The following SMPD3 variants were observed in gnomAD, a reference collection of about 807,000 sequenced individuals.
The protein encoded by SMPD3 is nSMase-2.
In SMPD3, 21 loss-of-function variants were observed where a neutral mutation model predicts 55.7. The ratio of observed to expected loss-of-function variants is 0.38; its 90% CI spans 0.27 to 0.54. The LOEUF is 0.54. Among genes scored for constraint, SMPD3 ranks in the 20% least tolerant of loss-of-function variants. The pLI, the probability that SMPD3 is intolerant of heterozygous loss-of-function variation, is 0.80. For synonymous variants in SMPD3, 457 were observed against 404.3 expected (o/e 1.13, Z -1.56); for missense variants, 842 against 899.6 (o/e 0.94, Z 0.82).
chr16:68,375,044 T>G lies in SMPD3; in HGVS notation c.-206-2657A>C, dbSNP rs368713727. 3.3e-5 allele frequency among the ~76,000 whole-genome samples: 5 copies of G among 152,250 alleles called. No individual in the cohort carries two copies. In the South Asian group the frequency reaches 1.0e-3, roughly 32 times the overall value. On this transcript the variant is annotated intron_variant, in intron 2 of 8. Coordinates refer to ENST00000219334, the MANE Select transcript of SMPD3 (RefSeq NM_018667.4). ...AAGCAGGCCCATTCCTGAGTCACCC[T>G]CATCTCTGTGGCCTGAGGTCACCAG...
At chr16:68,416,939 A>G (rs2090344757) in intron 1 of SMPD3, among the ~76,000 whole-genome samples, 1 of 152,060 alleles carries the variant, frequency 6.6e-6, no homozygotes, top group Admixed American at 6.5e-5. Context: ...CCTGATTGCC[A>G]GGGCACTCAG....
Position 68,361,725 on chromosome 16 carries a change from G to C in SMPD3, c.1744C>G (p.Leu582Val), listed in dbSNP as rs773464159. ...GAGCTCTTGCTGGTGGGAAACGCCA[G>C]GTACTCCCTGCGGCCCTCCTCACTC... ...LESEEGRREY[L>V]AFPTSKSSGQ... is the part of the protein sequence containing the mutation. Residue 582 changes from leucine to valine, a missense_variant, in exon 8 of 9, where the codon CTG becomes GTG. This residue lies in a region of SMPD3 where 649 missense variants were observed against 643.6 expected (regional missense o/e 1.01). Transcript: ENST00000219334. The C allele has an allele frequency of 7.4e-6, 12 of 1,612,924 alleles. No homozygotes were observed. The Admixed American group carries it at 1.8e-4, about 25-fold the overall frequency.
chr16:68,402,925 T>C (rs2090223731), intron 1 of SMPD3, among the ~76,000 whole-genome samples: 1 of 152,250 alleles, frequency 6.6e-6, no homozygotes, highest in Admixed American at 6.5e-5. Flanking sequence ...GCCTGAGATG[T>C]GCCTGCTGAC....
intron 7 of SMPD3, among the ~76,000 whole-genome samples, chr16:68,363,268 T>C (rs1173782553): frequency 6.6e-6 from 1 of 152,100 alleles, no homozygotes; most frequent in Non-Finnish European, 1.5e-5. Flanking sequence ...GAAATACCCC[T>C]AGAGATTTAG....
At chr16:68,363,698 G>C (rs1215367055) in intron 6 of SMPD3, 79 bp downstream of exon 6, 1 of 1,459,844 alleles carries the variant, frequency 6.9e-7, no homozygotes, top group Non-Finnish European at 9.3e-7. Context: ...GTGGGGTCTT[G>C]TGGGGTAGGT....
At chr16:68,377,426 G>A (rs189316841) in intron 2 of SMPD3, among the ~76,000 whole-genome samples, 4 of 152,350 alleles carry the variant, frequency 2.6e-5, no homozygotes, top group African/African-American at 7.2e-5. Flanking sequence ...CCAGACTGCG[G>A]CTGCTCCTGC....
chr16:68,386,214 CAA>C (rs34700652), intron 2 of SMPD3, among the ~76,000 whole-genome samples: 21 of 99,652 alleles, frequency 2.1e-4, no homozygotes, highest in Admixed American at 2.1e-4. Context: ...AGACGGGTCT[CAA>C]AAAAAAAAAA....
At chr16:68,423,233 GCTC>G (rs1318436790) in intron 1 of SMPD3, among the ~76,000 whole-genome samples, 1 of 152,178 alleles carries the variant, frequency 6.6e-6, no homozygotes, top group Non-Finnish European at 1.5e-5. Flanking sequence ...TTGTGACCTT[GCTC>G]TGAGTAGCTG....
chr16:68,374,086 C>A (rs1420511496), intron 2 of SMPD3, among the ~76,000 whole-genome samples: 1 of 152,236 alleles, frequency 6.6e-6, no homozygotes, highest in East Asian at 1.9e-4. Flanking sequence ...GCCCAGCAGA[C>A]CGCAAGCTTC....
At position 68,399,091 on chromosome 16, in the gene SMPD3, C is replaced by T. The variant is rs538331272; in HGVS notation, c.-268-12432G>A. Among the ~76,000 whole-genome samples the T allele has an allele frequency of 5.9e-5, 9 of 152,292 alleles. No homozygotes were observed. The East Asian group carries it at 9.6e-4, about 16-fold the overall frequency. On this transcript the variant is annotated intron_variant, in intron 1 of 8. Coordinates refer to ENST00000219334, the MANE Select transcript of SMPD3 (RefSeq NM_018667.4). The stretch of plus-strand genomic sequence containing the variant: ...TCTGAACAAAGAGAGCAAATCCTCC[C>T]GGCCTCCTCAGGCCCGCCCAGCCTC...
In SMPD3 at chr16:68,360,862, C is replaced by A; in HGVS notation, c.*344G>T. The A allele has an allele frequency of 4.0e-6, 1 of 247,244 alleles. No individual in the cohort carries two copies. Among genetic ancestry groups the A allele is most frequent in the South Asian group, 6.8e-5 (1 of 14,730 alleles). The allele number at this position is 247,244 out of a possible 1,614,324, so 15.3% of individuals were successfully genotyped here. The stretch of plus-strand genomic sequence containing the variant: ...TGGCAGCAGACAAAAATAAAGAACC[C>A]TGGACGAAGCTTAAGAGGAGATACA... On this transcript the variant is annotated 3_prime_UTR_variant, in exon 9 of 9. Transcript: ENST00000219334.
In SMPD3 at chr16:68,372,040, G is replaced by A. The variant is rs145200320; in HGVS notation, c.142C>T (p.Arg48Trp). 19 of 1,609,466 alleles carry A rather than the reference G, an allele frequency of 1.2e-5. No individual in the cohort carries two copies. The highest frequency in any genetic ancestry group is 9.3e-5 in the African/African-American group (7 of 74,924). Residue 48 changes from arginine to tryptophan, a missense_variant, in exon 3 of 9, where the codon CGG (arginine) becomes TGG (tryptophan). Coordinates refer to ENST00000219334, the MANE Select transcript of SMPD3 (RefSeq NM_018667.4). ...FIPTTYEKRQ[R>W]ADDPCCLQLL... ...TGCAGGCAGCACGGGTCGTCTGCCC[G>A]CTGGCGCTTCTCGTAGGTGGTGGGT...
At chr16:68,409,686 T>C (rs1347121571) in intron 1 of SMPD3, among the ~76,000 whole-genome samples, 7 of 152,232 alleles carry the variant, frequency 4.6e-5, no homozygotes, top group Admixed American at 3.9e-4. Flanking sequence ...CTCCGCCTCC[T>C]GGGTTCACGC....
At chr16:68,380,557 C>T (rs1430767745) in intron 2 of SMPD3, among the ~76,000 whole-genome samples, 5 of 143,212 alleles carry the variant, frequency 3.5e-5, no homozygotes, top group African/African-American at 6.0e-5. Context: ...CACCTGCTCC[C>T]GGCTGACCAG....
At chr16:68,410,085 A>G (rs1337844382) in intron 1 of SMPD3, among the ~76,000 whole-genome samples, 2 of 152,248 alleles carry the variant, frequency 1.3e-5, no homozygotes, top group Non-Finnish European at 2.9e-5. Context: ...GAGGGCTGTA[A>G]GAATCACATG....
Position 68,364,904 on chromosome 16 carries a change from C to T in SMPD3, c.1402G>A (p.Asp468Asn). 1.2e-6 allele frequency: 2 copies of T among 1,613,652 alleles called. No homozygotes were observed. The highest frequency in any genetic ancestry group is 1.3e-5 in the African/African-American group (1 of 75,056). The change falls in exon 5 of 9, where the codon GAC becomes AAC. Residue 468 changes from aspartate to asparagine, a missense_variant and splice_region_variant. Physicochemically the swap from Asp to Asn is conservative, Grantham distance 23. Around this residue, in one of 2 missense-constraint regions of SMPD3, gnomAD observed 649 missense variants for 643.6 expected, o/e 1.01. Transcript: ENST00000219334. ...ACTHLHAPQE[D>N]SAIRCGQLDL... ...AGCTGCCCACACCGGATGGCGCTGT[C>T]CTCTGCAGGGCAGAAGTACAGAGAC... is the stretch of plus-strand genomic sequence containing the variant.
At chr16:68,413,786 A>C (rs2090319787) in intron 1 of SMPD3, among the ~76,000 whole-genome samples, 4 of 152,222 alleles carry the variant, frequency 2.6e-5, no homozygotes, top group Admixed American at 2.6e-4. Context: ...TAATGGGTAG[A>C]GCATGGGCTG....
At chr16:68,429,023 C>G (rs1182245831) in intron 1 of SMPD3, among the ~76,000 whole-genome samples, 2 of 152,206 alleles carry the variant, frequency 1.3e-5, no homozygotes, top group African/African-American at 4.8e-5. Flanking sequence ...GAGATGACCC[C>G]TCTCTGCTGG....
At chr16:68,411,163 G>T (rs2090296834) in intron 1 of SMPD3, among the ~76,000 whole-genome samples, 1 of 152,270 alleles carries the variant, frequency 6.6e-6, no homozygotes, top group East Asian at 1.9e-4. Flanking sequence ...GGGGTCAGGA[G>T]AGATCTTTGG....
Sources: gnomAD v4.1 joint callset for allele counts (sites outside exome capture counted in the v4.1 genomes callset) on GRCh38, gnomAD v4.1.1 for gene constraint, gnomAD v4.1.1 regional missense constraint, MANE v1.5 for transcripts, NCBI Gene and HGNC (gene_info 2026-07-23, HGNC 2026-07-21) for gene names.